R3HDM2: variants seen among roughly 807,000 people sequenced by gnomAD.
R3HDM2 encodes the protein R3H domain-containing protein 2.
In R3HDM2, 38 loss-of-function variants were observed where a neutral mutation model predicts 124.5. The observed-to-expected ratio is 0.31, with a 90% CI of 0.24 to 0.40. The LOEUF (loss-of-function observed/expected upper bound fraction) is 0.40. Ranked by LOEUF, R3HDM2 falls within the 10% of genes least tolerant of loss-of-function variation. The pLI, the probability that R3HDM2 is intolerant of heterozygous loss-of-function variation, is 1.00. For synonymous variants in R3HDM2, 391 were observed against 448.0 expected (o/e 0.87, Z 1.61); for missense variants, 869 against 1,236.9 (o/e 0.70, Z 4.46).
chr12:57,371,999 G>A (rs1180676259), intron 2 of R3HDM2, among the ~76,000 whole-genome samples: 1 of 152,134 alleles, frequency 6.6e-6, no homozygotes, highest in African/African-American at 2.4e-5. Context: ...TCCCAAGTAG[G>A]TGGGATTGCA....
chr12:57,338,732 G>C (rs2059173690), intron 2 of R3HDM2, among the ~76,000 whole-genome samples: 1 of 151,792 alleles, frequency 6.6e-6, no homozygotes, highest in African/African-American at 2.4e-5. Flanking sequence ...CTCGTACATG[G>C]CTTGAAAATC....
chr12:57,385,026 A>G (rs2065494734), intron 2 of R3HDM2, among the ~76,000 whole-genome samples: 1 of 151,850 alleles, frequency 6.6e-6, no homozygotes, highest in South Asian at 2.1e-4. Flanking sequence ...AGGTGCCTGT[A>G]ATCCCAGCTA....
At chr12:57,386,873 A>G (rs138219045) in intron 2 of R3HDM2, among the ~76,000 whole-genome samples, 131 of 152,196 alleles carry the variant, frequency 8.6e-4, no homozygotes, top group Middle Eastern at 6.8e-3. Flanking sequence ...GAATGCACCA[A>G]TTGGCACTTG....
At chr12:57,302,141 C>A (rs989000992) in intron 4 of R3HDM2, among the ~76,000 whole-genome samples, 1 of 152,000 alleles carries the variant, frequency 6.6e-6, no homozygotes, top group African/African-American at 2.4e-5. Context: ...ATTAGCCTGG[C>A]CTAGTGGTGT....
At chr12:57,323,937 G>A (rs1033259522) in intron 2 of R3HDM2, among the ~76,000 whole-genome samples, 10 of 152,100 alleles carry the variant, frequency 6.6e-5, no homozygotes, top group South Asian at 2.1e-4. Flanking sequence ...AGAAAGCATC[G>A]CAGAATCTGA....
chr12:57,293,347 G>T (rs569270381), intron 10 of R3HDM2, among the ~76,000 whole-genome samples: 170 of 152,164 alleles, frequency 1.1e-3, no homozygotes, highest in African/African-American at 4.0e-3. Context: ...GAAAGAAAAG[G>T]AGAACAGATA....
At chr12:57,402,925 C>T (rs910027070) in intron 1 of R3HDM2, among the ~76,000 whole-genome samples, 2 of 152,094 alleles carry the variant, frequency 1.3e-5, no homozygotes, top group Non-Finnish European at 2.9e-5. Flanking sequence ...GATGCAGAAC[C>T]ATTTTTGTAA....
At chr12:57,406,007 C>A (rs2068492368) in intron 1 of R3HDM2, among the ~76,000 whole-genome samples, 1 of 151,970 alleles carries the variant, frequency 6.6e-6, no homozygotes, top group African/African-American at 2.4e-5. Context: ...AAAGATGAGA[C>A]AATGAGACAT....
chr12:57,381,568 G>A lies in R3HDM2; in HGVS notation c.-36+14181C>T, dbSNP rs571472993. On this transcript the variant is annotated intron_variant, in intron 2 of 23. Transcript: ENST00000402412. ...TCAAAAAAAAAAAAAAAAAAAGAAT[G>A]GGCAAATGAATCCCATCAAAAAGAT... is the stretch of plus-strand genomic sequence containing the variant. 6.2e-4 allele frequency among the ~76,000 whole-genome samples: 94 copies of A among 150,482 alleles called. 1 individual carries two copies. Among genetic ancestry groups the A allele is most frequent in the African/African-American group, 2.2e-3 (92 of 41,010 alleles).
chr12:57,289,631 A>G (rs923690030), intron 11 of R3HDM2, among the ~76,000 whole-genome samples: 1 of 152,204 alleles, frequency 6.6e-6, no homozygotes, highest in Non-Finnish European at 1.5e-5. Context: ...TTTCCTGACA[A>G]AGCCACTGAG....
intron 2 of R3HDM2, among the ~76,000 whole-genome samples, chr12:57,329,184 G>T (rs2057755705): frequency 1.3e-5 from 2 of 152,116 alleles, no homozygotes; most frequent in Non-Finnish European, 2.9e-5. Context: ...GGATATAAGG[G>T]TATACCACCC....
At chr12:57,260,132 C>T (rs987770349) in intron 19 of R3HDM2, among the ~76,000 whole-genome samples, 1 of 151,518 alleles carries the variant, frequency 6.6e-6, no homozygotes, top group Non-Finnish European at 1.5e-5. Flanking sequence ...GGCATGGTGG[C>T]AAGCACCTGT....
intron 3 of R3HDM2, chr12:57,305,777 C>G (rs572911502): frequency 2.5e-6 from 1 of 395,236 alleles, no homozygotes; most frequent in South Asian, 1.4e-4. Context: ...GACCTAGCAA[C>G]CCATAGATTC....
chr12:57,379,207 G>A (rs904925300), intron 2 of R3HDM2, among the ~76,000 whole-genome samples: 2 of 152,154 alleles, frequency 1.3e-5, no homozygotes, highest in African/African-American at 2.4e-5. Flanking sequence ...TGTTAAGAGG[G>A]TTAATTCTGT....
chr12:57,300,525 A>C lies in R3HDM2; in HGVS notation c.208-344T>G, dbSNP rs567861743. 3.3e-5 allele frequency among the ~76,000 whole-genome samples: 5 copies of C among 152,342 alleles called. No individual in the cohort carries two copies. In the South Asian group the frequency reaches 1.0e-3, roughly 32 times the overall value. The stretch of plus-strand genomic sequence containing the variant: ...CACACAGCAACATAGCATAGTAGAA[A>C]GACAATGGGGCTGAGAGCCAAAAGT... On this transcript the variant is annotated intron_variant, in intron 4 of 23. Coordinates refer to ENST00000402412, the MANE Select transcript of R3HDM2 (RefSeq NM_001394031.1).
intron 19 of R3HDM2, among the ~76,000 whole-genome samples, chr12:57,260,586 C>A (rs2040535431): frequency 6.6e-6 from 1 of 152,068 alleles, no homozygotes; most frequent in African/African-American, 2.4e-5. Flanking sequence ...GCTCTGCTTC[C>A]CCGCAAGGGA....
intron 1 of R3HDM2, among the ~76,000 whole-genome samples, chr12:57,415,814 C>T (rs1274326295): frequency 6.6e-6 from 1 of 152,052 alleles, no homozygotes; most frequent in Non-Finnish European, 1.5e-5. Context: ...AATTGTACAA[C>T]ATTCTTCAAA....
chr12:57,295,334 T>C (rs1566012657), intron 10 of R3HDM2, 65 bp downstream of exon 10: 1 of 1,117,962 alleles, frequency 8.9e-7, no homozygotes, highest in African/African-American at 1.6e-5. Flanking sequence ...ACAAAAATTC[T>C]TCTCCCTTCC....
intron 2 of R3HDM2, among the ~76,000 whole-genome samples, chr12:57,355,870 G>A (rs1240747440): frequency 2.6e-5 from 4 of 152,138 alleles, no homozygotes; most frequent in Admixed American, 6.5e-5. Context: ...GGTATGTTTT[G>A]TCAATTTCAG....
Sources: gnomAD v4.1 joint callset for allele counts (sites outside exome capture counted in the v4.1 genomes callset) on GRCh38, gnomAD v4.1.1 for gene constraint, MANE v1.5 for transcripts, NCBI Gene and HGNC (gene_info 2026-07-23, HGNC 2026-07-21) for gene names.